The following ABCA1 variants were observed in gnomAD, a reference collection of about 807,000 sequenced individuals.
The protein encoded by ABCA1 is ATP binding cassette subfamily A member 1.
Under a neutral mutation model 262.5 loss-of-function variants are expected in ABCA1, and 133 were observed. The ratio of observed to expected loss-of-function variants is 0.51; its 90% CI spans 0.44 to 0.59. The LOEUF is 0.59. Among genes scored for constraint, ABCA1 ranks in the 20% least tolerant of loss-of-function variants. ABCA1 has a pLI of 0.00. For synonymous variants in ABCA1, 1,022 were observed against 1,043.5 expected (o/e 0.98, Z 0.40); for missense variants, 2,452 against 2,777.5 (o/e 0.88, Z 2.63).
Position 104,829,097 on chromosome 9 carries a change from G to A in ABCA1, c.1934C>T (p.Thr645Met), listed in dbSNP as rs775631816. The change falls in exon 15 of 50, where the codon ACG becomes ATG. Residue 645 changes from threonine (T) to methionine (M), a missense_variant. By Grantham distance (81) the Thr-to-Met change is moderately conservative. This residue lies in a region of ABCA1 where 1,032 missense variants were observed against 1,089.7 expected (regional missense o/e 0.95). Coordinates refer to ENST00000374736, the MANE Select transcript of ABCA1 (RefSeq NM_005502.4). Reference protein sequence around the residue: ...VMSRSMPLFMTLAWIYSVAVI... With the variant: ...VMSRSMPLFMMLAWIYSVAVI... ...AGCCACTGAGTAAATCCAGGCCAGC[G>A]TCATGAAGAGGGGCATTGACCGGCT... 5.0e-6 allele frequency: 8 copies of A among 1,614,056 alleles called. No individual in the cohort carries two copies. The highest frequency in any genetic ancestry group is 2.2e-5 in the East Asian group (1 of 44,890).
intron 1 of ABCA1, among the ~76,000 whole-genome samples, chr9:104,915,600 A>G (rs1452513912): frequency 6.6e-6 from 1 of 152,200 alleles, no homozygotes; most frequent in Non-Finnish European, 1.5e-5. Context: ...TATTATTCCA[A>G]TATTATCAAG....
Position 104,784,414 on chromosome 9 carries a change from G to C in ABCA1, c.6687C>G (p.His2229Gln), listed in dbSNP as rs771743951. Reference protein sequence around the residue: ...NFAKDQSDDDHLKDLSLHKNQ... With the variant: ...NFAKDQSDDDQLKDLSLHKNQ... ...TTTTGTGTAATGAGAGGTCTTTTAA[G>C]TGGTCATCATCACTTTGGTCCTTGG... The change falls in exon 50 of 50, where the codon CAC becomes CAG. Residue 2229 changes from histidine (H) to glutamine (Q), a missense_variant. His to Gln is a conservative substitution (Grantham distance 24). Coordinates refer to ENST00000374736, the MANE Select transcript of ABCA1 (RefSeq NM_005502.4). 3.1e-5 allele frequency: 50 copies of C among 1,613,964 alleles called. No homozygotes were observed. Among genetic ancestry groups the C allele is most frequent in the Non-Finnish European group, 4.2e-5 (49 of 1,179,992 alleles).
At chr9:104,800,047 G>C in intron 35 of ABCA1, 59 bp from the exon 36 acceptor site, 2 of 1,594,560 alleles carry the variant, frequency 1.3e-6, no homozygotes, top group Admixed American at 1.7e-5. Context: ...CTGCAGGCAG[G>C]TGCATACCCA....
In ABCA1 at chr9:104,852,012, C is replaced by T. The variant is rs148069691; in HGVS notation, c.721-6443G>A. On this transcript the variant is annotated intron_variant, in intron 7 of 49. Transcript: ENST00000374736. ...TCAGGAATTCTATGACAAAATGAGACGTGGGTATACATATATTGGAATAGT... is the reference window on the plus strand; with the variant it reads ...TCAGGAATTCTATGACAAAATGAGATGTGGGTATACATATATTGGAATAGT... Among the ~76,000 whole-genome samples, 1,446 of 152,284 alleles carry T rather than the reference C, an allele frequency of 9.5e-3. 20 individuals are homozygous for T. The highest frequency in any genetic ancestry group is 0.033 in the African/African-American group (1,358 of 41,564).
chr9:104,874,152 C>G (rs1447314144), intron 5 of ABCA1, among the ~76,000 whole-genome samples: 1 of 152,192 alleles, frequency 6.6e-6, no homozygotes, highest in Non-Finnish European at 1.5e-5. Context: ...GTAAATCTGA[C>G]AGCCAGAGAG....
At chr9:104,809,247 T>C (rs1349627766) in intron 30 of ABCA1, among the ~76,000 whole-genome samples, 1 of 152,386 alleles carries the variant, frequency 6.6e-6, no homozygotes, top group African/African-American at 2.4e-5. Context: ...ATGTCTGTAA[T>C]GACGTGCTTT....
At position 104,820,154 on chromosome 9, in the gene ABCA1, G is replaced by A. The variant is rs533347948; in HGVS notation, c.2961-85C>T. ...CCCTGGCCCAGAACAGATGAGAATG[G>A]GCATATTTTTCTCTCCCCGTGCTTT... is the stretch of plus-strand genomic sequence containing the variant. On this transcript the variant is annotated intron_variant, in intron 20 of 49. Coordinates refer to ENST00000374736, the MANE Select transcript of ABCA1 (RefSeq NM_005502.4). The A allele has an allele frequency of 4.5e-6, 7 of 1,541,010 alleles. No homozygotes were observed. In the Admixed American group the frequency reaches 5.0e-5, roughly 11 times the overall value.
At chr9:104,807,944 G>T (rs1830935003) in intron 30 of ABCA1, among the ~76,000 whole-genome samples, 1 of 150,374 alleles carries the variant, frequency 6.7e-6, no homozygotes, top group South Asian at 2.1e-4. Flanking sequence ...AAATTCAAAT[G>T]AAGTTTTCCA....
At chr9:104,798,365 T>C in intron 37 of ABCA1, 56 bp downstream of exon 37, 2 of 1,585,108 alleles carry the variant, frequency 1.3e-6, no homozygotes, top group Non-Finnish European at 1.7e-6. Flanking sequence ...TTCTTATCCA[T>C]ATCAATCCAT....
At chr9:104,919,836 G>A (rs1361164361) in intron 1 of ABCA1, among the ~76,000 whole-genome samples, 1 of 152,122 alleles carries the variant, frequency 6.6e-6, no homozygotes, top group Non-Finnish European at 1.5e-5. Flanking sequence ...ACTCAAAGCA[G>A]GTAAATAGGA....
intron 3 of ABCA1, 72 bp from the exon 4 acceptor site, chr9:104,884,640 T>C: frequency 6.4e-7 from 1 of 1,556,300 alleles, no homozygotes; most frequent in Non-Finnish European, 8.9e-7. Flanking sequence ...AGGCTCCATT[T>C]ATACAATGCT....
intron 7 of ABCA1, among the ~76,000 whole-genome samples, chr9:104,846,585 A>G (rs1220819853): frequency 2.6e-5 from 4 of 152,214 alleles, no homozygotes; most frequent in Non-Finnish European, 5.9e-5. Flanking sequence ...TTTTCTTTCA[A>G]AGAGAATTCC....
At chr9:104,847,922 T>C (rs1414529125) in intron 7 of ABCA1, among the ~76,000 whole-genome samples, 2 of 152,226 alleles carry the variant, frequency 1.3e-5, no homozygotes, top group Admixed American at 6.5e-5. Context: ...TCTATATGTA[T>C]AGACATACAT....
At chr9:104,908,074 C>CATT (rs1245904599) in intron 1 of ABCA1, among the ~76,000 whole-genome samples, 3 of 152,198 alleles carry the variant, frequency 2.0e-5, no homozygotes, top group African/African-American at 4.8e-5. Context: ...AAACACTCAT[C>CATT]ATTAGCTGCA....
At chr9:104,834,959 G>A (rs538344143) in intron 11 of ABCA1, among the ~76,000 whole-genome samples, 5 of 152,256 alleles carry the variant, frequency 3.3e-5, no homozygotes, top group African/African-American at 1.2e-4. Flanking sequence ...TTTAAGAGAG[G>A]GAAGAAAGGC....
chr9:104,895,689 C>T (rs1840139403), intron 2 of ABCA1, among the ~76,000 whole-genome samples: 1 of 152,186 alleles, frequency 6.6e-6, no homozygotes, highest in African/African-American at 2.4e-5. Flanking sequence ...CAACATCTCC[C>T]ACACTACAGA....
chr9:104,854,147 A>AT (rs1470903654), intron 7 of ABCA1, among the ~76,000 whole-genome samples: 2 of 152,238 alleles, frequency 1.3e-5, no homozygotes, highest in Admixed American at 6.5e-5. Flanking sequence ...CATGAAAAGC[A>AT]TAAGAAGGAA....
chr9:104,798,718 C>A lies in ABCA1; in HGVS notation c.4944-120G>T. 4.6e-6 allele frequency: 4 copies of A among 864,710 alleles called. No homozygotes were observed. In the Admixed American group the frequency reaches 8.0e-5, roughly 17 times the overall value. 53.6% of individuals were successfully genotyped at this position (864,710 alleles called of 1,614,324 possible). A position where few individuals can be genotyped will look rare whatever the true frequency, so the allele number is the denominator to read the frequency against. On this transcript the variant is annotated intron_variant, in intron 36 of 49. Coordinates refer to ENST00000374736, the MANE Select transcript of ABCA1 (RefSeq NM_005502.4). ...CACACACACAGAGATATCTGAGGCA[C>A]AGCCCAAGGAAAAACATCTGTTCAC...
At chr9:104,866,650 A>C (rs989409941) in intron 5 of ABCA1, among the ~76,000 whole-genome samples, 6 of 151,912 alleles carry the variant, frequency 3.9e-5, no homozygotes, top group Admixed American at 2.6e-4. Context: ...CCCAGCTATT[A>C]TTCCTTTTTG....
Sources: allele counts gnomAD v4.1 joint callset (sites outside exome capture counted in the v4.1 genomes callset), GRCh38; gene constraint gnomAD v4.1.1; regional missense constraint gnomAD v4.1.1; transcripts MANE v1.5; gene names NCBI Gene and HGNC (gene_info 2026-07-23, HGNC 2026-07-21).